Variants in EPB41L5 observed in about 807,000 individuals in gnomAD.
The protein encoded by EPB41L5 is erythrocyte membrane protein band 4.1 like 5.
A neutral mutation model predicts 106.6 loss-of-function variants in EPB41L5; 55 were observed. That is an observed-to-expected ratio of 0.52 (90% CI 0.42 to 0.65). The LOEUF (loss-of-function observed/expected upper bound fraction) is 0.65, where lower values mean the gene tolerates loss of function less well. Ranked by LOEUF, EPB41L5 falls within the 30% of genes least tolerant of loss-of-function variation. EPB41L5 has a pLI of 0.00. For missense variants in EPB41L5, 871 were observed against 882.1 expected, an observed-to-expected ratio of 0.99 and a Z score of 0.16; for synonymous variants, 297 against 306.7, an observed-to-expected ratio of 0.97 and a Z score of 0.33.
chr2:120,037,680 C>G (rs1443274226), intron 2 of EPB41L5, among the ~76,000 whole-genome samples: 1 of 151,948 alleles, frequency 6.6e-6, no homozygotes, highest in Non-Finnish European at 1.5e-5. Context: ...CAGTGTGTTA[C>G]TGGCAATACA....
intron 2 of EPB41L5, among the ~76,000 whole-genome samples, chr2:120,027,330 T>C (rs1678396439): frequency 6.6e-6 from 1 of 152,208 alleles, no homozygotes; most frequent in African/African-American, 2.4e-5. Context: ...AAACCTGTAA[T>C]ATCCATATAA....
Position 120,163,260 on chromosome 2 carries a change from C to T in EPB41L5, c.1888-1576C>T, listed in dbSNP as rs1187699077. ...ACAGAGCAAGACCGTGTCCCTCTGC[C>T]CCCCCCCCCCCCAAAAAAAGAAAGA... On this transcript the variant is annotated intron_variant, in intron 21 of 24. Coordinates refer to ENST00000263713, the MANE Select transcript of EPB41L5 (RefSeq NM_020909.4). Among the ~76,000 whole-genome samples, 10 of 54,510 alleles carry T rather than the reference C, an allele frequency of 1.8e-4. 1 individual carries two copies. In the South Asian group the frequency reaches 2.5e-3, roughly 14 times the overall value. The allele number at this position is 54,510 out of a possible 152,430, so 35.8% of individuals were successfully genotyped here. A position where few individuals can be genotyped will look rare whatever the true frequency, so the allele number is the denominator to read the frequency against.
In EPB41L5 at chr2:120,176,193, G is replaced by A. The variant is rs1354082308; in HGVS notation, c.*1286G>A. On this transcript the variant is annotated 3_prime_UTR_variant, in exon 25 of 25. Transcript: ENST00000263713. The stretch of plus-strand genomic sequence containing the variant: ...TTTTCGAATGAACAAGGTAAACCTC[G>A]GTTGCCATGGGGAAGAAGGATGATG... The A allele has an allele frequency of 6.6e-6, 1 of 152,588 alleles. No homozygotes were observed. The highest frequency in any genetic ancestry group is 2.4e-5 in the African/African-American group (1 of 41,434). The allele number at this position is 152,588 out of a possible 1,614,324, so 9.5% of individuals were successfully genotyped here. A position where few individuals can be genotyped will look rare whatever the true frequency, so the allele number is the denominator to read the frequency against.
At chr2:120,131,243 T>A (rs1410670694) in intron 17 of EPB41L5, among the ~76,000 whole-genome samples, 1 of 152,138 alleles carries the variant, frequency 6.6e-6, no homozygotes, top group Non-Finnish European at 1.5e-5. Context: ...GATGGCAAAG[T>A]GTTGAGGTTA....
intron 3 of EPB41L5, among the ~76,000 whole-genome samples, chr2:120,050,242 G>A (rs944762061): frequency 1.8e-4 from 27 of 152,258 alleles, no homozygotes; most frequent in African/African-American, 6.0e-4. Context: ...TCTCCTGGAT[G>A]ATATCCTGCA....
At chr2:120,172,813 G>A (rs1324809095) in intron 24 of EPB41L5, among the ~76,000 whole-genome samples, 2 of 152,144 alleles carry the variant, frequency 1.3e-5, no homozygotes, top group Non-Finnish European at 2.9e-5. Context: ...GATTCAAAAA[G>A]GAGGATATAG....
rs112464417 is a variant in EPB41L5 at position 120,116,236 on chromosome 2, T to C, written c.1338-11452T>C. Among the ~76,000 whole-genome samples the C allele has an allele frequency of 1.2e-3, 180 of 152,358 alleles. 1 individual carries two copies. Among genetic ancestry groups the C allele is most frequent in the African/African-American group, 3.9e-3 (162 of 41,576 alleles). On this transcript the variant is annotated intron_variant, in intron 16 of 24. Transcript: ENST00000263713. ...CTTTGTCTCCCACTTTGTGCTGTTT[T>C]TCTCTTACAGAATATGTCTCTGTGC...
intron 16 of EPB41L5, among the ~76,000 whole-genome samples, chr2:120,102,830 C>A (rs141907417): frequency 2.6e-5 from 4 of 152,104 alleles, no homozygotes; most frequent in African/African-American, 9.7e-5. Context: ...AGAAACAATT[C>A]ATGTATTGTA....
At chr2:120,049,815 C>G (rs1270793622) in intron 3 of EPB41L5, among the ~76,000 whole-genome samples, 1 of 152,124 alleles carries the variant, frequency 6.6e-6, no homozygotes, top group African/African-American at 2.4e-5. Flanking sequence ...TTGTTCCTTT[C>G]CGTGTTTAGT....
chr2:120,028,407 C>T (rs964617163), intron 2 of EPB41L5, among the ~76,000 whole-genome samples: 2 of 151,940 alleles, frequency 1.3e-5, no homozygotes, highest in African/African-American at 4.8e-5. Context: ...TCATGGTGGA[C>T]ACTTGTGGCC....
intron 3 of EPB41L5, among the ~76,000 whole-genome samples, chr2:120,063,356 A>C (rs1399832626): frequency 1.3e-5 from 2 of 151,950 alleles, no homozygotes; most frequent in South Asian, 4.2e-4. Flanking sequence ...AAAAAAAAAA[A>C]AAAAGTGAAT....
intron 2 of EPB41L5, among the ~76,000 whole-genome samples, chr2:120,039,050 G>A (rs1679223163): frequency 6.6e-6 from 1 of 152,178 alleles, no homozygotes; most frequent in African/African-American, 2.4e-5. Flanking sequence ...AATACTGTGA[G>A]TGAAATAAGC....
In EPB41L5 at chr2:120,091,664, G is replaced by T. The variant is rs775872747; in HGVS notation, c.1150+3G>T. 129 of 1,599,550 alleles carry T rather than the reference G, an allele frequency of 8.1e-5. No individual in the cohort carries two copies. Among genetic ancestry groups the T allele is most frequent in the Non-Finnish European group, 1.0e-4 (121 of 1,167,364 alleles). On this transcript the variant is annotated splice_donor_region_variant and intron_variant, in intron 13 of 24. Coordinates refer to ENST00000263713, the MANE Select transcript of EPB41L5 (RefSeq NM_020909.4). ...TAGACGAACTCTACAAATGAAAGGT[G>T]AAGTGCAACCCTCTTTCAAAGGATT...
chr2:120,123,137 C>T (rs1182372412), intron 16 of EPB41L5, among the ~76,000 whole-genome samples: 2 of 151,994 alleles, frequency 1.3e-5, no homozygotes, highest in African/African-American at 2.4e-5. Flanking sequence ...CCCTTCATTG[C>T]AGACAAAGTT....
At chr2:120,120,949 C>T (rs1180404574) in intron 16 of EPB41L5, among the ~76,000 whole-genome samples, 2 of 152,196 alleles carry the variant, frequency 1.3e-5, no homozygotes, top group Admixed American at 1.3e-4. Context: ...AACCCCGTCT[C>T]CACTAAAAAT....
At chr2:120,122,093 A>G (rs1307738589) in intron 16 of EPB41L5, among the ~76,000 whole-genome samples, 1 of 152,216 alleles carries the variant, frequency 6.6e-6, no homozygotes, top group Non-Finnish European at 1.5e-5. Flanking sequence ...TCAGATGGGT[A>G]GATTGCAAAA....
chr2:120,093,170 TA>T (rs1298881992), intron 13 of EPB41L5, 78 bp from the exon 14 acceptor site: 10 of 1,147,946 alleles, frequency 8.7e-6, no homozygotes, highest in Non-Finnish European at 1.3e-5. Context: ...AGCAATTAGT[TA>T]AAGTTTTGCT....
At chr2:120,146,569 G>A (rs1428841918) in intron 20 of EPB41L5, among the ~76,000 whole-genome samples, 1 of 152,188 alleles carries the variant, frequency 6.6e-6, no homozygotes, top group Non-Finnish European at 1.5e-5. Flanking sequence ...ACCTGGTAAG[G>A]AGTGTGTATT....
At chr2:120,020,893 C>A (rs550072495) in intron 2 of EPB41L5, among the ~76,000 whole-genome samples, 1 of 151,636 alleles carries the variant, frequency 6.6e-6, no homozygotes, top group South Asian at 2.1e-4. Flanking sequence ...AGTGGTGGAA[C>A]AAATGGCTAG....
Sources: allele counts gnomAD v4.1 joint callset (sites outside exome capture counted in the v4.1 genomes callset), GRCh38; gene constraint gnomAD v4.1.1; transcripts MANE v1.5; gene names NCBI Gene and HGNC (gene_info 2026-07-23, HGNC 2026-07-21).